RAMP3: variants seen among roughly 807,000 people sequenced by gnomAD.
RAMP3 encodes the protein receptor activity-modifying protein 3.
RAMP3 carries 14 observed loss-of-function variants against 13.5 expected under a neutral mutation model. That is an observed-to-expected ratio of 1.04 (90% CI 0.69 to 1.63). The LOEUF (loss-of-function observed/expected upper bound fraction) is 1.63, where lower values mean the gene tolerates loss of function less well. RAMP3 is among the 40% of genes most tolerant of loss of function. The probability of loss-of-function intolerance (pLI) is 0.00; values close to 1 mark genes in which losing one functional copy is unlikely to be tolerated. For synonymous variants in RAMP3, 106 were observed against 88.3 expected (o/e 1.20, Z -1.12); for missense variants, 200 against 204.8 (o/e 0.98, Z 0.14).
chr7:45,165,709 C>G (rs1785947942), intron 1 of RAMP3, among the ~76,000 whole-genome samples: 2 of 152,212 alleles, frequency 1.3e-5, no homozygotes, highest in Non-Finnish European at 2.9e-5. Flanking sequence ...CTCCAACCCC[C>G]TTAGCCTTAA....
chr7:45,177,421 C>T lies in RAMP3; in HGVS notation c.171C>T (p.Cys57=). 6.2e-7 allele frequency: 1 copy of T among 1,614,098 alleles called. No homozygotes were observed. Among genetic ancestry groups the T allele is most frequent in the South Asian group, 1.1e-5 (1 of 91,076 alleles). The part of the protein sequence containing the change: ...MMGKVDVWKW[C]NLSEFIVYYE... ...GCAAGGTGGACGTCTGGAAGTGGTG[C>T]AACCTGTCCGAGTTCATCGTGTGAG... The change falls in exon 2 of 3, where the codon TGC becomes TGT. Residue 57 remains cysteine (C), a synonymous_variant. Coordinates refer to ENST00000242249, the MANE Select transcript of RAMP3 (RefSeq NM_005856.3).
At chr7:45,170,986 G>A (rs1786070623) in intron 1 of RAMP3, among the ~76,000 whole-genome samples, 1 of 151,442 alleles carries the variant, frequency 6.6e-6, no homozygotes, top group South Asian at 2.1e-4. Context: ...TACTGTTTTA[G>A]CTGCATCTCT....
chr7:45,170,485 A>G (rs984974047), intron 1 of RAMP3, among the ~76,000 whole-genome samples: 1 of 151,500 alleles, frequency 6.6e-6, no homozygotes, highest in Non-Finnish European at 1.5e-5. Flanking sequence ...CTACAGGTGC[A>G]TGCCACCATG....
In RAMP3 at chr7:45,183,444, G is replaced by C. The variant is rs756248094; in HGVS notation, c.*32G>C. The C allele has an allele frequency of 4.4e-6, 7 of 1,602,434 alleles. No individual in the cohort carries two copies. In the South Asian group the frequency reaches 7.7e-5, roughly 18 times the overall value. On this transcript the variant is annotated 3_prime_UTR_variant, in exon 3 of 3. Transcript: ENST00000242249. ...CGGTGAGATGGAGTGGGTCACACCT[G>C]GCAAGCTGGAAGAAAGTTCCCTGGG...
At chr7:45,177,771 C>T (rs1189222470) in intron 2 of RAMP3, among the ~76,000 whole-genome samples, 1 of 152,218 alleles carries the variant, frequency 6.6e-6, no homozygotes, top group African/African-American at 2.4e-5. Flanking sequence ...TCCTACCCCC[C>T]ATTCCGCATC....
chr7:45,163,609 C>T (rs967281544), intron 1 of RAMP3: 7 of 985,332 alleles, frequency 7.1e-6, no homozygotes, highest in South Asian at 4.7e-5. Flanking sequence ...AGTTGGGGCC[C>T]GATGGAAGCT....
At chr7:45,167,570 T>A (rs1054547542) in intron 1 of RAMP3, among the ~76,000 whole-genome samples, 9 of 151,550 alleles carry the variant, frequency 5.9e-5, no homozygotes, top group Non-Finnish European at 1.2e-4. Context: ...TTTTTTTTTT[T>A]TTTTATTTTT....
chr7:45,161,792 G>A (rs891928262), intron 1 of RAMP3, among the ~76,000 whole-genome samples: 16 of 152,098 alleles, frequency 1.1e-4, no homozygotes, highest in Admixed American at 3.9e-4. Flanking sequence ...TCCAGGTCTA[G>A]GGGTTCAGAT....
intron 1 of RAMP3, chr7:45,163,165 T>C (rs1321370077): frequency 1.0e-6 from 1 of 985,290 alleles, no homozygotes; most frequent in African/African-American, 1.7e-5. Flanking sequence ...GCCTGGGCTG[T>C]GGCCTGGGTG....
intron 1 of RAMP3, among the ~76,000 whole-genome samples, chr7:45,165,391 C>T (rs6979472): frequency 7.3e-5 from 11 of 151,718 alleles, no homozygotes; most frequent in African/African-American, 2.7e-4. Flanking sequence ...AATTTCTGAT[C>T]TCCTCCATTC....
chr7:45,176,623 A>G (rs1786192754), intron 1 of RAMP3, among the ~76,000 whole-genome samples: 1 of 152,074 alleles, frequency 6.6e-6, no homozygotes, highest in East Asian at 1.9e-4. Flanking sequence ...GGGAGGGAGG[A>G]TGTTCCCCAT....
chr7:45,157,879 G>C lies in RAMP3; in HGVS notation c.51G>C (p.Leu17=). 2 of 1,397,560 alleles carry C rather than the reference G, an allele frequency of 1.4e-6. No homozygotes were observed. The highest frequency in any genetic ancestry group is 1.8e-6 in the Non-Finnish European group (2 of 1,085,114). 86.6% of individuals were successfully genotyped at this position (1,397,560 alleles called of 1,614,324 possible). Residue 17 remains leucine (L), a synonymous_variant, in exon 1 of 3, where the codon CTG becomes CTC. Coordinates refer to ENST00000242249, the MANE Select transcript of RAMP3 (RefSeq NM_005856.3). The part of the protein sequence containing the change: ...RRPQLLPLLL[L]LCGGCPRAGG... ...CGCAACTTCTCCCGTTGCTGCTGCT[G>C]CTCTGCGGTAAGGGGGCGACGGCCC... is the stretch of plus-strand genomic sequence containing the variant.
In RAMP3 at chr7:45,157,868, T is replaced by A; in HGVS notation, c.40T>A (p.Leu14Met). Residue 14 changes from leucine to methionine, a missense_variant, in exon 1 of 3, where the codon TTG becomes ATG. Transcript: ENST00000242249. ...GCTGCGGCGCCCGCAACTTCTCCCGTTGCTGCTGCTGCTCTGCGGTAAGGG... is the reference window on the plus strand; with the variant it reads ...GCTGCGGCGCCCGCAACTTCTCCCGATGCTGCTGCTGCTCTGCGGTAAGGG... ...GALRRPQLLP[L>M]LLLLCGGCPR... The A allele has an allele frequency of 7.1e-7, 1 of 1,408,304 alleles. No individual in the cohort carries two copies. The highest frequency in any genetic ancestry group is 9.2e-7 in the Non-Finnish European group (1 of 1,090,448). The allele number at this position is 1,408,304 out of a possible 1,614,324, so 87.2% of individuals were successfully genotyped here.
Position 45,183,760 on chromosome 7 carries a change from A to G in RAMP3, c.*348A>G. On this transcript the variant is annotated 3_prime_UTR_variant, in exon 3 of 3. Transcript: ENST00000242249. ...AGGTTTCTATGCTGTTTCTTAGCAC[A>G]GAATCCAGCCTAGCCTTAGCCGCAG... The G allele has an allele frequency of 1.8e-6, 1 of 554,276 alleles. No individual in the cohort carries two copies. Among genetic ancestry groups the G allele is most frequent in the Non-Finnish European group, 3.2e-6 (1 of 312,396 alleles). The allele number at this position is 554,276 out of a possible 1,614,324, so 34.3% of individuals were successfully genotyped here. A position where few individuals can be genotyped will look rare whatever the true frequency, so the allele number is the denominator to read the frequency against.
intron 1 of RAMP3, among the ~76,000 whole-genome samples, chr7:45,166,611 T>C (rs1785966444): frequency 6.6e-6 from 1 of 152,214 alleles, no homozygotes; most frequent in Non-Finnish European, 1.5e-5. Context: ...CAGTGGGTTG[T>C]CTTTTCACTC....
intron 1 of RAMP3, among the ~76,000 whole-genome samples, chr7:45,160,199 G>A (rs192029260): frequency 6.6e-5 from 10 of 151,798 alleles, no homozygotes; most frequent in East Asian, 3.9e-4. Context: ...GGGTGTGGTG[G>A]TGCATACCTG....
Position 45,183,724 on chromosome 7 carries a change from C to T in RAMP3, c.*312C>T, listed in dbSNP as rs942707388. On this transcript the variant is annotated 3_prime_UTR_variant, in exon 3 of 3. Coordinates refer to ENST00000242249, the MANE Select transcript of RAMP3 (RefSeq NM_005856.3). ...CTGTGCTCCGCAGGCTGGGCCGGAGCCTCTGCCCGCAGGTTTCTATGCTGT... is the reference window on the plus strand; with the variant it reads ...CTGTGCTCCGCAGGCTGGGCCGGAGTCTCTGCCCGCAGGTTTCTATGCTGT... 3.5e-6 allele frequency: 2 copies of T among 573,450 alleles called. No homozygotes were observed. The highest frequency in any genetic ancestry group is 3.7e-5 in the African/African-American group (2 of 53,536). The allele number at this position is 573,450 out of a possible 1,614,324, so 35.5% of individuals were successfully genotyped here.
At chr7:45,160,670 C>T (rs1263722279) in intron 1 of RAMP3, among the ~76,000 whole-genome samples, 2 of 152,276 alleles carry the variant, frequency 1.3e-5, no homozygotes, top group East Asian at 3.9e-4. Context: ...CCACAAAAGC[C>T]CTTTCTGGCG....
At chr7:45,169,196 T>C (rs1786034457) in intron 1 of RAMP3, among the ~76,000 whole-genome samples, 1 of 152,210 alleles carries the variant, frequency 6.6e-6, no homozygotes. Flanking sequence ...GGTTTTTACG[T>C]ATATATTCAG....
Sources: gnomAD v4.1 joint callset for allele counts (sites outside exome capture counted in the v4.1 genomes callset) on GRCh38, gnomAD v4.1.1 for gene constraint, MANE v1.5 for transcripts, NCBI Gene and HGNC (gene_info 2026-07-23, HGNC 2026-07-21) for gene names.